MUC12: variants seen among roughly 807,000 people sequenced by gnomAD.
MUC12 encodes mucin-12.
Under a neutral mutation model 230.8 loss-of-function variants are expected in MUC12, and 172 were observed. That is an observed-to-expected ratio of 0.75 (90% CI 0.66 to 0.85). The LOEUF is 0.85. MUC12 is among the 40% of genes least tolerant of loss of function. MUC12 has a pLI of 0.00. For synonymous variants in MUC12, 1,259 were observed against 2,401.9 expected, an observed-to-expected ratio of 0.52 and a Z score of 13.91; for missense variants, 3,506 against 5,920.6, an observed-to-expected ratio of 0.59 and a Z score of 13.38.
At chr7:100,972,195 C>T (rs1792917226) in intron 1 of MUC12, 2 of 703,184 alleles carry the variant, frequency 2.8e-6, no homozygotes, top group South Asian at 1.5e-5. Context: ...GTAAGGAAGT[C>T]GGGGCAGATG....
chr7:100,976,833 G>A (rs879270707), intron 1 of MUC12, among the ~76,000 whole-genome samples: 5 of 151,820 alleles, frequency 3.3e-5, no homozygotes, highest in East Asian at 1.9e-4. Context: ...GGCAGATCAC[G>A]TGACATCGGG....
chr7:100,991,186 C>A lies in MUC12; in HGVS notation c.623C>A (p.Ser208Tyr), dbSNP rs1323871520. Residue 208 changes from serine (S) to tyrosine (Y), a missense_variant, in exon 2 of 12, where the codon TCC becomes TAC. Ser to Tyr is a moderately radical substitution (Grantham distance 144). Coordinates refer to ENST00000536621, the MANE Select transcript of MUC12 (RefSeq NM_001164462.2). ...CCCGGCTCCACAGACACAACACTGT[C>A]CCCTGGCACTACCACACCATCATCC... is the stretch of plus-strand genomic sequence containing the variant. ...SIPGSTDTTL[S>Y]PGTTTPSSLG... is the part of the protein sequence containing the mutation. 2.6e-6 allele frequency: 4 copies of A among 1,537,536 alleles called. No homozygotes were observed. The highest frequency in any genetic ancestry group is 3.5e-6 in the Non-Finnish European group (4 of 1,146,822).
At position 100,993,154 on chromosome 7, in the gene MUC12, C is replaced by G; in HGVS notation, c.2591C>G (p.Thr864Arg). The G allele has an allele frequency of 5.8e-6, 7 of 1,209,882 alleles. No homozygotes were observed. Among genetic ancestry groups the G allele is most frequent in the East Asian group, 2.7e-5 (1 of 36,844 alleles). The allele number at this position is 1,209,882 out of a possible 1,614,324, so 74.9% of individuals were successfully genotyped here. Residue 864 changes from threonine (T) to arginine (R), a missense_variant, in exon 2 of 12, where the codon ACA (threonine) becomes AGA (arginine). Coordinates refer to ENST00000536621, the MANE Select transcript of MUC12 (RefSeq NM_001164462.2). The stretch of plus-strand genomic sequence containing the variant: ...AGCCGACCAGGCTCAACGCACACAA[C>G]AGCATTCCCTGACAGCACCACCACG... Reference protein sequence around the residue: ...SRSRPGSTHTTAFPDSTTTPG... With the variant: ...SRSRPGSTHTRAFPDSTTTPG...
intron 4 of MUC12, 74 bp from the exon 5 acceptor site, chr7:101,009,021 C>A: frequency 6.7e-7 from 1 of 1,488,742 alleles, no homozygotes; most frequent in Non-Finnish European, 9.1e-7. Flanking sequence ...GTGCCTAGGG[C>A]TGCCTCAAGA....
At chr7:100,969,825 C>T (rs1051104004) in intron 1 of MUC12, 136 bp downstream of exon 1, 14 of 1,293,918 alleles carry the variant, frequency 1.1e-5, no homozygotes, top group East Asian at 2.5e-5. Context: ...GCTGGAGACC[C>T]GTGCTGTGAC....
chr7:101,013,403 C>CTATCTCTATCTCTATCTTTGTCTG (rs1793866935), intron 8 of MUC12, among the ~76,000 whole-genome samples: 3 of 152,180 alleles, frequency 2.0e-5, no homozygotes, highest in African/African-American at 7.2e-5. Context: ...ATTTCCAAAT[C>CTATCTCTATCTCTATCTTTGTCTG]TATCTCTATC....
intron 2 of MUC12, 90 bp from the exon 3 acceptor site, chr7:101,006,381 C>A: frequency 1.2e-6 from 1 of 844,418 alleles, no homozygotes; most frequent in Non-Finnish European, 1.9e-6. Context: ...CTCTCCAGTG[C>A]GATGCTGAGT....
At chr7:101,011,515 G>C (rs1019499267) in intron 5 of MUC12, among the ~76,000 whole-genome samples, 1 of 152,130 alleles carries the variant, frequency 6.6e-6, no homozygotes, top group Non-Finnish European at 1.5e-5. Context: ...TCAAACTCCT[G>C]GGCTCAAGCC....
At chr7:100,982,397 C>T (rs1267322142) in intron 1 of MUC12, among the ~76,000 whole-genome samples, 1 of 151,970 alleles carries the variant, frequency 6.6e-6, no homozygotes, top group African/African-American at 2.4e-5. Context: ...TTCCTCTAGC[C>T]CTTTATTGGG....
In MUC12 at chr7:101,004,794, G is replaced by A. The variant is rs1270846378; in HGVS notation, c.14231G>A (p.Ser4744Asn). The change falls in exon 2 of 12, where the codon AGC becomes AAC. Residue 4744 changes from serine (S) to asparagine (N), a missense_variant. By Grantham distance (46) the Ser-to-Asn change is conservative (BLOSUM62 1). Transcript: ENST00000536621. ...LSAKSTILYS[S>N]SRSPDQTLSP... ...GCAAAATCTACCATCCTTTACAGTA[G>A]CTCCAGATCACCAGACCAAACACTC... 3 of 1,537,678 alleles carry A rather than the reference G, an allele frequency of 2.0e-6. No individual in the cohort carries two copies. The highest frequency in any genetic ancestry group is 2.0e-5 in the Admixed American group (1 of 50,998).
chr7:101,018,241 C>T (rs1793980218), intron 11 of MUC12, among the ~76,000 whole-genome samples: 1 of 107,502 alleles, frequency 9.3e-6, no homozygotes, highest in Admixed American at 8.7e-5. Context: ...GACTCCCTCC[C>T]TTCCCCCGGG....
Position 101,013,083 on chromosome 7 carries a change from G to A in MUC12, c.15579G>A (p.Lys5193=). ...ACVNKCTKGT[K]SQMNCNLGTC... Reference sequence around the variant, plus strand: ...TGAACAAGTGCACCAAAGGAACGAAGTCGCAAATGAACTGTAACCTGGGCA... The same window carrying A: ...TGAACAAGTGCACCAAAGGAACGAAATCGCAAATGAACTGTAACCTGGGCA... The change falls in exon 8 of 12, where the codon AAG becomes AAA. Residue 5193 remains lysine, a synonymous_variant. Coordinates refer to ENST00000536621, the MANE Select transcript of MUC12 (RefSeq NM_001164462.2). 1 of 1,537,358 alleles carries A rather than the reference G, an allele frequency of 6.5e-7. No individual in the cohort carries two copies. Among genetic ancestry groups the A allele is most frequent in the Non-Finnish European group, 8.7e-7 (1 of 1,146,936 alleles).
At chr7:101,006,443 G>T in intron 2 of MUC12, 28 bp from the exon 3 acceptor site, 1 of 1,493,536 alleles carries the variant, frequency 6.7e-7, no homozygotes, top group South Asian at 1.2e-5. Flanking sequence ...CTCCCACGGT[G>T]ACTGCTGTGG....
At chr7:100,988,414 G>T (rs1793228357) in intron 1 of MUC12, among the ~76,000 whole-genome samples, 1 of 151,928 alleles carries the variant, frequency 6.6e-6, no homozygotes, top group Non-Finnish European at 1.5e-5. Context: ...TGCCATGATT[G>T]GAAGCTTCCT....
chr7:101,016,285 GT>G (rs1228375897), intron 10 of MUC12, among the ~76,000 whole-genome samples: 1 of 152,022 alleles, frequency 6.6e-6, no homozygotes, highest in Non-Finnish European at 1.5e-5. Context: ...TGGGAATGGG[GT>G]GGGGGGTTGA....
At chr7:101,014,858 G>A (rs576110422) in intron 9 of MUC12, among the ~76,000 whole-genome samples, 56 of 152,082 alleles carry the variant, frequency 3.7e-4, no homozygotes, top group African/African-American at 1.1e-3. Flanking sequence ...ATATTGCCCC[G>A]GCTGGTCTGA....
chr7:100,970,933 C>T (rs1199701378), intron 1 of MUC12, among the ~76,000 whole-genome samples: 1 of 151,618 alleles, frequency 6.6e-6, no homozygotes, highest in African/African-American at 2.4e-5. Flanking sequence ...GGAGGCGGAG[C>T]CTGCAGTGAG....
Position 101,004,563 on chromosome 7 carries a change from C to T in MUC12, c.14000C>T (p.Thr4667Ile), listed in dbSNP as rs571151438. 1 of 1,537,502 alleles carries T rather than the reference C, an allele frequency of 6.5e-7. No homozygotes were observed. Among genetic ancestry groups the T allele is most frequent in the Non-Finnish European group, 8.7e-7 (1 of 1,146,856 alleles). ...CACAGCAGCCCGGGCTCAATTGCAA[C>T]AACACACTTTCCTGAGAGCTCCACA... ...SYHSSPGSIA[T>I]THFPESSTTS... Residue 4667 changes from threonine (T) to isoleucine (I), a missense_variant, in exon 2 of 12, where the codon ACA becomes ATA. By Grantham distance (89) the Thr-to-Ile change is moderately conservative (BLOSUM62 -1). Transcript: ENST00000536621.
At chr7:100,973,853 T>TAA (rs759897466) in intron 1 of MUC12, among the ~76,000 whole-genome samples, 2 of 141,630 alleles carry the variant, frequency 1.4e-5, no homozygotes, top group Non-Finnish European at 1.5e-5. Context: ...ACCCCATCTC[T>TAA]AAAAAAAAAA....
Sources: allele counts gnomAD v4.1 joint callset (sites outside exome capture counted in the v4.1 genomes callset), GRCh38; gene constraint gnomAD v4.1.1; transcripts MANE v1.5; gene names NCBI Gene and HGNC (gene_info 2026-07-23, HGNC 2026-07-21).